The following GMEB1 variants were observed in gnomAD, a reference collection of about 807,000 sequenced individuals.
GMEB1 encodes glucocorticoid modulatory element binding protein 1.
GMEB1 carries 6 observed loss-of-function variants against 52.4 expected under a neutral mutation model. The observed-to-expected ratio is 0.11, with a 90% CI of 0.06 to 0.23. The LOEUF (loss-of-function observed/expected upper bound fraction) is 0.23, where lower values mean the gene tolerates loss of function less well. Ranked by LOEUF, GMEB1 falls within the 10% of genes least tolerant of loss-of-function variation. GMEB1 has a pLI of 1.00. For synonymous variants in GMEB1, 255 were observed against 244.9 expected (o/e 1.04, Z -0.38); for missense variants, 486 against 685.6 (o/e 0.71, Z 3.25).
chr1:28,676,115 A>C (rs1330708315), intron 1 of GMEB1, among the ~76,000 whole-genome samples: 1 of 152,178 alleles, frequency 6.6e-6, no homozygotes, highest in Admixed American at 6.6e-5. Context: ...GGTGTGGGTA[A>C]AGAGTAAAAT....
intron 6 of GMEB1, among the ~76,000 whole-genome samples, chr1:28,702,100 C>T (rs1670544402): frequency 6.6e-6 from 1 of 152,076 alleles, no homozygotes; most frequent in African/African-American, 2.4e-5. Context: ...GGCTGGCAGG[C>T]TAGTAGGGGC....
intron 5 of GMEB1, among the ~76,000 whole-genome samples, chr1:28,694,561 A>G (rs957458743): frequency 6.6e-6 from 1 of 151,432 alleles, no homozygotes; most frequent in Admixed American, 6.6e-5. Flanking sequence ...GCTGGAGTGC[A>G]TTGGCATGAT....
chr1:28,689,144 T>G (rs531044689), intron 2 of GMEB1, among the ~76,000 whole-genome samples: 1 of 152,100 alleles, frequency 6.6e-6, no homozygotes, highest in South Asian at 2.1e-4. Context: ...CGCTTTGTCC[T>G]TCCAAAGTGC....
At chr1:28,691,367 C>G (rs1669954433) in intron 3 of GMEB1, among the ~76,000 whole-genome samples, 1 of 152,016 alleles carries the variant, frequency 6.6e-6, no homozygotes, top group South Asian at 2.1e-4. Context: ...AAGAACTAAA[C>G]AAGATTATGT....
rs139760624 is a variant in GMEB1, at chr1:28,691,421, G to A, written c.212-164G>A. Among the ~76,000 whole-genome samples the A allele has an allele frequency of 5.7e-3, 872 of 152,300 alleles. 14 individuals are homozygous for A. The highest frequency in any genetic ancestry group is 0.02 in the African/African-American group (834 of 41,566). ...GGTGTCTGGCACACTGTGAGAGCTT[G>A]GGAAGAGATAGCTCTTAGGCCAAAC... On this transcript the variant is annotated intron_variant, in intron 3 of 9. Coordinates refer to ENST00000373816, the MANE Select transcript of GMEB1 (RefSeq NM_001319674.2).
chr1:28,700,940 C>A (rs1172020964), intron 6 of GMEB1, among the ~76,000 whole-genome samples: 1 of 151,860 alleles, frequency 6.6e-6, no homozygotes, highest in African/African-American at 2.4e-5. Flanking sequence ...TTTTCCCAAC[C>A]AAACATGGAT....
At chr1:28,712,814 C>T (rs898076556) in intron 9 of GMEB1, among the ~76,000 whole-genome samples, 8 of 147,972 alleles carry the variant, frequency 5.4e-5, no homozygotes, top group East Asian at 4.0e-4. Context: ...TCCAGCCTGG[C>T]GATAGAGCGA....
chr1:28,690,301 C>T, intron 3 of GMEB1, 115 bp downstream of exon 3: 1 of 584,250 alleles, frequency 1.7e-6, no homozygotes, highest in Non-Finnish European at 3.0e-6. Flanking sequence ...TTCTCCCATC[C>T]CTGTGTGCCC....
chr1:28,672,231 T>A (rs951325776), intron 1 of GMEB1, among the ~76,000 whole-genome samples: 3 of 122,676 alleles, frequency 2.4e-5, no homozygotes. Flanking sequence ...ATTTATTTAT[T>A]TATTTTTGAG....
chr1:28,691,497 C>T (rs1339014578), intron 3 of GMEB1, 88 bp from the exon 4 acceptor site: 1 of 959,392 alleles, frequency 1.0e-6, no homozygotes, highest in Non-Finnish European at 1.5e-6. Flanking sequence ...GTATTAGTCC[C>T]TTAGAGGAAC....
At chr1:28,707,366 C>G (rs890621670) in intron 8 of GMEB1, among the ~76,000 whole-genome samples, 2 of 151,716 alleles carry the variant, frequency 1.3e-5, no homozygotes, top group Non-Finnish European at 2.9e-5. Flanking sequence ...AGAGTAGACT[C>G]TTATGGGGAA....
chr1:28,698,674 CAAAA>C (rs138996886), intron 6 of GMEB1, among the ~76,000 whole-genome samples: 1 of 120,882 alleles, frequency 8.3e-6, no homozygotes. Context: ...GACTCCATCT[CAAAA>C]AAAAAAAAAA....
intron 1 of GMEB1, among the ~76,000 whole-genome samples, chr1:28,673,887 A>G (rs1344954404): frequency 6.6e-6 from 1 of 151,840 alleles, no homozygotes; most frequent in African/African-American, 2.4e-5. Flanking sequence ...GTGGTGTCTC[A>G]TGCCTGTCCC....
intron 1 of GMEB1, among the ~76,000 whole-genome samples, chr1:28,678,642 A>G (rs1048256202): frequency 4.0e-5 from 6 of 150,852 alleles, no homozygotes; most frequent in Admixed American, 1.3e-4. Flanking sequence ...ATTTTGAGGC[A>G]GACTCTTGCT....
chr1:28,701,839 C>A (rs185913271), intron 6 of GMEB1, among the ~76,000 whole-genome samples: 4 of 152,304 alleles, frequency 2.6e-5, no homozygotes, highest in Admixed American at 2.6e-4. Flanking sequence ...GGATTACAGG[C>A]ATGAGCTACC....
At chr1:28,705,571 T>C (rs1670713912) in intron 8 of GMEB1, among the ~76,000 whole-genome samples, 1 of 148,790 alleles carries the variant, frequency 6.7e-6, no homozygotes, top group South Asian at 2.2e-4. Flanking sequence ...TGCCTTAGAC[T>C]CCTGAGTAGC....
chr1:28,700,091 C>T (rs867349041), intron 6 of GMEB1, among the ~76,000 whole-genome samples: 1 of 150,344 alleles, frequency 6.7e-6, no homozygotes, highest in South Asian at 2.1e-4. Flanking sequence ...AGATCTTGGC[C>T]GGGTGCAGCG....
intron 2 of GMEB1, among the ~76,000 whole-genome samples, chr1:28,684,363 A>C (rs1409786315): frequency 6.6e-6 from 1 of 151,986 alleles, no homozygotes; most frequent in Admixed American, 6.6e-5. Flanking sequence ...GGAGATCAAG[A>C]CCATCCTGGC....
intron 6 of GMEB1, among the ~76,000 whole-genome samples, chr1:28,697,542 T>C (rs547547614): frequency 2.0e-5 from 3 of 152,122 alleles, no homozygotes; most frequent in African/African-American, 7.2e-5. Context: ...CTCATGAACA[T>C]TGATGTGCCT....
Sources: gnomAD v4.1 joint callset for allele counts (sites outside exome capture counted in the v4.1 genomes callset) on GRCh38, gnomAD v4.1.1 for gene constraint, MANE v1.5 for transcripts, NCBI Gene and HGNC (gene_info 2026-07-23, HGNC 2026-07-21) for gene names.